The following MYRFL variants were observed in gnomAD, a reference collection of about 807,000 sequenced individuals.
The protein encoded by MYRFL is myelin regulatory factor like, also known as myelin regulatory factor-like protein.
A neutral mutation model predicts 109.4 loss-of-function variants in MYRFL; 88 were observed. That is an observed-to-expected ratio of 0.80 (90% CI 0.68 to 0.96). The LOEUF (loss-of-function observed/expected upper bound fraction) is 0.96, where lower values mean the gene tolerates loss of function less well. MYRFL is among the 40% of genes least tolerant of loss of function. The probability of loss-of-function intolerance (pLI) is 0.00; values close to 1 mark genes in which losing one functional copy is unlikely to be tolerated. For missense variants in MYRFL, 957 were observed against 954.9 expected (o/e 1.00, Z -0.03); for synonymous variants, 324 against 320.9 (o/e 1.01, Z -0.10).
chr12:69,906,599 G>A (rs1202190350), intron 11 of MYRFL, among the ~76,000 whole-genome samples: 1 of 152,186 alleles, frequency 6.6e-6, no homozygotes, highest in Non-Finnish European at 1.5e-5. Context: ...ATGCTCAAAG[G>A]CTGTTTTGAT....
chr12:69,944,692 G>GAA (rs201140098), intron 19 of MYRFL, among the ~76,000 whole-genome samples: 2 of 149,998 alleles, frequency 1.3e-5, no homozygotes, highest in African/African-American at 4.9e-5. Context: ...AATAATAAAA[G>GAA]AAAAAAAAAG....
chr12:69,891,289 A>C (rs1021955751), intron 7 of MYRFL, 123 bp downstream of exon 7: 10 of 719,730 alleles, frequency 1.4e-5, no homozygotes, highest in East Asian at 9.3e-5. Context: ...TTTTGGTCAC[A>C]AATCTGCAAC....
chr12:69,934,193 C>T (rs1352063056), intron 16 of MYRFL, among the ~76,000 whole-genome samples: 1 of 152,202 alleles, frequency 6.6e-6, no homozygotes, highest in Non-Finnish European at 1.5e-5. Context: ...GGACTCACAG[C>T]AGTGGTGCCC....
intron 1 of MYRFL, among the ~76,000 whole-genome samples, chr12:69,853,123 G>A (rs1476880181): frequency 6.6e-6 from 1 of 151,866 alleles, no homozygotes; most frequent in Non-Finnish European, 1.5e-5. Context: ...ACGGGGTGGC[G>A]GCTGGGCAGA....
chr12:69,926,236 C>T (rs745870720), intron 13 of MYRFL, among the ~76,000 whole-genome samples: 2 of 151,284 alleles, frequency 1.3e-5, no homozygotes, highest in Non-Finnish European at 2.9e-5. Context: ...AGTGATTCTC[C>T]TGCCTCAGAA....
intron 2 of MYRFL, among the ~76,000 whole-genome samples, chr12:69,873,249 A>G (rs1338417700): frequency 6.6e-6 from 1 of 152,146 alleles, no homozygotes; most frequent in Non-Finnish European, 1.5e-5. Context: ...GATGAGCTAA[A>G]CCAAAAAAAA....
intron 16 of MYRFL, among the ~76,000 whole-genome samples, chr12:69,934,569 G>T (rs1030469023): frequency 7.2e-5 from 11 of 152,186 alleles, no homozygotes; most frequent in African/African-American, 2.7e-4. Context: ...CTTGTCCAGC[G>T]TCTGAGAAGA....
intron 7 of MYRFL, among the ~76,000 whole-genome samples, chr12:69,893,347 C>T (rs1000868700): frequency 6.6e-6 from 1 of 152,132 alleles, no homozygotes; most frequent in Non-Finnish European, 1.5e-5. Context: ...TGTAAGCTCC[C>T]CAAGGACAGG....
At position 69,903,765 on chromosome 12, in the gene MYRFL, TG is replaced by T. The variant is rs1379293738; in HGVS notation, c.1306del (p.Val436LeufsTer6). ...GINTDAPDEA[L>X]VVCGNMKVMG... is the part of the protein sequence containing the mutation. ...AACACAGATGCGCCGGACGAAGCCCTGGTTGTCTGTGGCAACATGAAAGTGA... is the reference window on the plus strand; with the variant it reads ...AACACAGATGCGCCGGACGAAGCCCTGTTGTCTGTGGCAACATGAAAGTGA... On this transcript the variant is annotated frameshift_variant, in exon 11 of 25. Coordinates refer to ENST00000552032, the MANE Select transcript of MYRFL (RefSeq NM_182530.3). LOFTEE classifies it high-confidence loss of function. 3.3e-6 allele frequency: 5 copies of T among 1,535,720 alleles called. No homozygotes were observed. The East Asian group carries it at 1.2e-4, about 38-fold the overall frequency.
chr12:69,849,657 ATTT>A (rs974521556), intron 1 of MYRFL, among the ~76,000 whole-genome samples: 1 of 151,742 alleles, frequency 6.6e-6, no homozygotes, highest in African/African-American at 2.4e-5. Context: ...TTATGGTGAA[ATTT>A]TTCTCTGTTT....
At chr12:69,867,521 T>C (rs946409126) in intron 2 of MYRFL, among the ~76,000 whole-genome samples, 10 of 152,172 alleles carry the variant, frequency 6.6e-5, no homozygotes, top group African/African-American at 2.4e-4. Context: ...GGTGTTTGAA[T>C]AGGGGACGTC....
intron 1 of MYRFL, among the ~76,000 whole-genome samples, chr12:69,843,149 GAAGTA>G (rs1883341312): frequency 6.6e-6 from 1 of 152,034 alleles, no homozygotes; most frequent in Non-Finnish European, 1.5e-5. Context: ...GCAAATGAGA[GAAGTA>G]GAGTATTTTA....
In MYRFL at chr12:69,944,563, T is replaced by C. The variant is rs563357591; in HGVS notation, c.2225-7550T>C. Among the ~76,000 whole-genome samples the C allele has an allele frequency of 3.5e-4, 52 of 148,156 alleles. 3 individuals are homozygous for C. In the South Asian group the frequency reaches 9.6e-3, roughly 27 times the overall value. ...GTTGGGGGAGGGGGGAGGGATAGCA[T>C]TGGGAGATATACCTAAGGCTAGATG... On this transcript the variant is annotated intron_variant, in intron 19 of 24. Transcript: ENST00000552032.
intron 21 of MYRFL, among the ~76,000 whole-genome samples, chr12:69,954,682 G>GTAA (rs1196071923): frequency 6.6e-6 from 1 of 152,100 alleles, no homozygotes; most frequent in Non-Finnish European, 1.5e-5. Flanking sequence ...GTTTTTCCAT[G>GTAA]TAATTCAAGG....
intron 1 of MYRFL, among the ~76,000 whole-genome samples, chr12:69,848,112 C>A (rs1338236630): frequency 6.6e-6 from 1 of 152,056 alleles, no homozygotes; most frequent in Admixed American, 6.5e-5. Context: ...ACATCTATCA[C>A]AAACTAAATT....
intron 1 of MYRFL, among the ~76,000 whole-genome samples, chr12:69,834,662 G>A (rs1056378500): frequency 6.6e-6 from 1 of 152,144 alleles, no homozygotes; most frequent in East Asian, 1.9e-4. Flanking sequence ...ACAAGAACAA[G>A]TACAGCTACA....
intron 13 of MYRFL, among the ~76,000 whole-genome samples, chr12:69,916,024 T>C (rs886783003): frequency 1.3e-5 from 2 of 152,084 alleles, no homozygotes; most frequent in African/African-American, 4.8e-5. Flanking sequence ...CTTGTTGTTT[T>C]TTTAAATTTA....
rs537992741 is a variant in MYRFL, at chr12:69,955,286, A to G, written c.2376-77A>G. 319 of 546,812 alleles carry G rather than the reference A, an allele frequency of 5.8e-4. 1 individual carries two copies. Among genetic ancestry groups the G allele is most frequent in the African/African-American group, 5.2e-3 (272 of 52,486 alleles). The allele number at this position is 546,812 out of a possible 1,614,324, so 33.9% of individuals were successfully genotyped here. A position where few individuals can be genotyped will look rare whatever the true frequency, so the allele number is the denominator to read the frequency against. ...TAATATTTCACAGTTTTTATGGTATATAATGAGTAGCAAAAAGGCCTTCGA... is the reference window on the plus strand; with the variant it reads ...TAATATTTCACAGTTTTTATGGTATGTAATGAGTAGCAAAAAGGCCTTCGA... On this transcript the variant is annotated intron_variant, in intron 21 of 24. Transcript: ENST00000552032.
intron 2 of MYRFL, among the ~76,000 whole-genome samples, chr12:69,862,961 G>C (rs568431484): frequency 5.9e-5 from 9 of 151,734 alleles, no homozygotes; most frequent in Non-Finnish European, 8.8e-5. Context: ...TAGCATGAAG[G>C]GTTGTTGAAT....
Sources: gnomAD v4.1 joint callset for allele counts (sites outside exome capture counted in the v4.1 genomes callset) on GRCh38, gnomAD v4.1.1 for gene constraint, MANE v1.5 for transcripts, NCBI Gene and HGNC (gene_info 2026-07-23, HGNC 2026-07-21) for gene names.